VAV3: variants seen among roughly 807,000 people sequenced by gnomAD.
The protein encoded by VAV3 is vav guanine nucleotide exchange factor 3.
In VAV3, 94 loss-of-function variants were observed where a neutral mutation model predicts 131.2. The ratio of observed to expected loss-of-function variants is 0.72; its 90% CI spans 0.61 to 0.85. VAV3 has a LOEUF of 0.85. Ranked by LOEUF, VAV3 falls within the 40% of genes least tolerant of loss-of-function variation. The pLI is 0.00. For missense variants in VAV3, 939 were observed against 1,002.7 expected (o/e 0.94, Z 0.86); for synonymous variants, 349 against 342.0 (o/e 1.02, Z -0.22).
Position 107,641,426 on chromosome 1 carries a change from G to A in VAV3, c.1914+1193C>T, listed in dbSNP as rs576632350. On this transcript the variant is annotated intron_variant, in intron 20 of 26. Coordinates refer to ENST00000370056, the MANE Select transcript of VAV3 (RefSeq NM_006113.5). ...CTCAATGCACAATAGATTTTTTAACGAATTCTTTCCTCAACATCATTGGGA... is the reference window on the plus strand; with the variant it reads ...CTCAATGCACAATAGATTTTTTAACAAATTCTTTCCTCAACATCATTGGGA... Among the ~76,000 whole-genome samples the A allele has an allele frequency of 8.6e-5, 13 of 152,034 alleles. No individual in the cohort carries two copies. In the South Asian group the frequency reaches 1.5e-3, roughly 17 times the overall value.
intron 25 of VAV3, among the ~76,000 whole-genome samples, chr1:107,575,001 GCGCGCGCGCGCGCGCACA>G (rs1164114730): frequency 0.17 from 7,131 of 42,386 alleles, 230 homozygotes; most frequent in East Asian, 0.36. Context: ...GTGCGTGCGT[GCGCGCGCGCGCGCGCACA>G]CGCGCGCGTG....
intron 25 of VAV3, chr1:107,578,931 C>T: frequency 1.0e-6 from 1 of 983,370 alleles, no homozygotes; most frequent in South Asian, 4.7e-5. Context: ...CAGTTAAATG[C>T]AAATTAAATA....
rs550523935 is a variant in VAV3 at position 107,767,719 on chromosome 1, G to T, written c.717+722C>A. On this transcript the variant is annotated intron_variant, in intron 7 of 26. Transcript: ENST00000370056. ...AGTGTATGTGTACATGCGTGCATGG[G>T]GGTGGGGATGTATAAACCAAAGCAA... Among the ~76,000 whole-genome samples, 16 of 152,288 alleles carry T rather than the reference G, an allele frequency of 1.1e-4. No homozygotes were observed. The South Asian group carries it at 3.3e-3, about 32-fold the overall frequency.
At chr1:107,584,375 A>G (rs1451568149) in intron 25 of VAV3, among the ~76,000 whole-genome samples, 2 of 152,238 alleles carry the variant, frequency 1.3e-5, no homozygotes, top group Non-Finnish European at 2.9e-5. Flanking sequence ...AAAACACCAA[A>G]GCAATGGCAA....
chr1:107,821,698 A>C (rs1462472394), intron 2 of VAV3, among the ~76,000 whole-genome samples: 1 of 152,226 alleles, frequency 6.6e-6, no homozygotes, highest in African/African-American at 2.4e-5. Flanking sequence ...TGGGGAGTGC[A>C]CAGTGTGAGA....
intron 9 of VAV3, among the ~76,000 whole-genome samples, chr1:107,761,606 A>C (rs1427592141): frequency 1.3e-5 from 2 of 152,062 alleles, no homozygotes; most frequent in Non-Finnish European, 2.9e-5. Flanking sequence ...CAGTTCCCTC[A>C]ACTATGATGT....
chr1:107,827,399 G>C (rs1026441061), intron 2 of VAV3, among the ~76,000 whole-genome samples: 8 of 152,120 alleles, frequency 5.3e-5, no homozygotes, highest in Non-Finnish European at 1.0e-4. Context: ...TCATCAGGGT[G>C]TATCTCTCCC....
At chr1:107,658,558 CCCA>C (rs1322524317) in intron 19 of VAV3, among the ~76,000 whole-genome samples, 7 of 151,996 alleles carry the variant, frequency 4.6e-5, no homozygotes, top group African/African-American at 1.2e-4. Flanking sequence ...AGTTAACAGT[CCCA>C]CCAACAGTGT....
At chr1:107,743,869 T>C (rs895174503) in intron 15 of VAV3, among the ~76,000 whole-genome samples, 8 of 152,344 alleles carry the variant, frequency 5.3e-5, no homozygotes, top group Middle Eastern at 3.4e-3. Context: ...CACTGTTCTA[T>C]TTGACCTCGG....
At chr1:107,638,842 G>C (rs1206786929) in intron 20 of VAV3, among the ~76,000 whole-genome samples, 1 of 151,866 alleles carries the variant, frequency 6.6e-6, no homozygotes, top group Middle Eastern at 3.2e-3. Context: ...AGAAATCAAT[G>C]TAACAAAATA....
chr1:107,876,762 T>C (rs1649998660), intron 1 of VAV3, among the ~76,000 whole-genome samples: 1 of 152,140 alleles, frequency 6.6e-6, no homozygotes, highest in Non-Finnish European at 1.5e-5. Flanking sequence ...TTTAAAAATA[T>C]ACATGTGAAA....
intron 15 of VAV3, among the ~76,000 whole-genome samples, chr1:107,713,215 C>G (rs1660891236): frequency 6.6e-6 from 1 of 151,852 alleles, no homozygotes; most frequent in Admixed American, 6.6e-5. Context: ...TAGATAGGAA[C>G]CTGATATTTA....
At chr1:107,592,468 A>C (rs1651044616) in intron 25 of VAV3, among the ~76,000 whole-genome samples, 1 of 152,096 alleles carries the variant, frequency 6.6e-6, no homozygotes, top group Non-Finnish European at 1.5e-5. Flanking sequence ...ATATTATATA[A>C]ATATAGTGAT....
chr1:107,610,853 T>C (rs766716210), intron 21 of VAV3, among the ~76,000 whole-genome samples: 1 of 152,226 alleles, frequency 6.6e-6, no homozygotes, highest in Non-Finnish European at 1.5e-5. Context: ...ATATCTGATA[T>C]ATGCATTCCA....
chr1:107,806,726 A>C (rs1667075226), intron 2 of VAV3, among the ~76,000 whole-genome samples: 1 of 152,144 alleles, frequency 6.6e-6, no homozygotes, highest in African/African-American at 2.4e-5. Context: ...CAAATGTTAT[A>C]ATGTACAGTG....
chr1:107,941,008 C>T (rs576063479), intron 1 of VAV3, among the ~76,000 whole-genome samples: 2 of 151,086 alleles, frequency 1.3e-5, no homozygotes, highest in East Asian at 3.9e-4. Context: ...AAAAAAAAAC[C>T]CTCAACTAGA....
intron 15 of VAV3, among the ~76,000 whole-genome samples, chr1:107,713,667 G>C (rs1176728859): frequency 6.6e-6 from 1 of 152,080 alleles, no homozygotes; most frequent in Admixed American, 6.5e-5. Context: ...TACACTGAAG[G>C]GTTTTCATAA....
chr1:107,606,837 G>A (rs1481194563), intron 22 of VAV3, among the ~76,000 whole-genome samples: 1 of 132,624 alleles, frequency 7.5e-6, no homozygotes, highest in Non-Finnish European at 1.6e-5. Context: ...TTTAGTTCAA[G>A]GGTTTCCTCA....
chr1:107,884,165 A>G (rs542949263), intron 1 of VAV3, among the ~76,000 whole-genome samples: 46 of 152,030 alleles, frequency 3.0e-4, no homozygotes, highest in African/African-American at 9.9e-4. Context: ...GTTAAAAAGA[A>G]TAAGACCTAG....
Sources: allele counts gnomAD v4.1 joint callset (sites outside exome capture counted in the v4.1 genomes callset), GRCh38; gene constraint gnomAD v4.1.1; transcripts MANE v1.5; gene names NCBI Gene and HGNC (gene_info 2026-07-23, HGNC 2026-07-21).